SLC25A12: variants seen among roughly 807,000 people sequenced by gnomAD.
SLC25A12 encodes the protein solute carrier family 25 member 12, also known as electrogenic aspartate/glutamate antiporter SLC25A12, mitochondrial.
Under a neutral mutation model 83.3 loss-of-function variants are expected in SLC25A12, and 32 were observed. The ratio of observed to expected loss-of-function variants is 0.38; its 90% CI spans 0.29 to 0.52. The LOEUF (loss-of-function observed/expected upper bound fraction) is 0.52, where lower values mean the gene tolerates loss of function less well. Ranked by LOEUF, SLC25A12 falls within the 20% of genes least tolerant of loss-of-function variation. SLC25A12 has a pLI of 0.84. For missense variants in SLC25A12, 611 were observed against 835.6 expected (o/e 0.73, Z 3.31); for synonymous variants, 267 against 291.1 (o/e 0.92, Z 0.84).
chr2:171,815,173 C>G lies in SLC25A12; in HGVS notation c.960G>C (p.Trp320Cys). 6.2e-7 allele frequency: 1 copy of G among 1,613,682 alleles called. No homozygotes were observed. The highest frequency in any genetic ancestry group is 8.5e-7 in the Non-Finnish European group (1 of 1,179,794). Reference sequence around the variant, plus strand: ...TGTAAGCAGACTCGGCAATCTGGAGCCAGATAGGCCTGCCTAACCCAGGAG... The same window carrying G: ...TGTAAGCAGACTCGGCAATCTGGAGGCAGATAGGCCTGCCTAACCCAGGAG... Reference protein sequence around the residue: ...QQSPGLGRPIWLQIAESAYRF... With the variant: ...QQSPGLGRPICLQIAESAYRF... Residue 320 changes from tryptophan to cysteine, a missense_variant, in exon 10 of 18, where the codon TGG becomes TGC. Transcript: ENST00000422440.
At chr2:171,885,980 C>A (rs1353879278) in intron 2 of SLC25A12, among the ~76,000 whole-genome samples, 1 of 152,046 alleles carries the variant, frequency 6.6e-6, no homozygotes, top group Non-Finnish European at 1.5e-5. Context: ...AGTATTTATC[C>A]TTTCATAACT....
At chr2:171,853,670 G>A (rs56275355) in intron 4 of SLC25A12, among the ~76,000 whole-genome samples, 31,389 of 151,850 alleles carry the variant, frequency 0.21, 4,022 homozygotes, top group East Asian at 0.57. Flanking sequence ...GACAGAGTGA[G>A]GCTCCACCTC....
intron 9 of SLC25A12, among the ~76,000 whole-genome samples, chr2:171,826,009 A>G (rs1329161249): frequency 7.2e-5 from 11 of 152,230 alleles, no homozygotes. Flanking sequence ...AATGTAATTA[A>G]CAGTCAGGGT....
chr2:171,788,113 G>C, intron 15 of SLC25A12, 166 bp from the exon 16 acceptor site: 1 of 663,484 alleles, frequency 1.5e-6, no homozygotes, highest in Non-Finnish European at 2.6e-6. Flanking sequence ...AAGCCTATTA[G>C]CTGTTGCAGT....
intron 2 of SLC25A12, among the ~76,000 whole-genome samples, chr2:171,889,381 C>T (rs1433856040): frequency 3.9e-5 from 6 of 152,156 alleles, no homozygotes; most frequent in African/African-American, 9.7e-5. Flanking sequence ...TCCCTTACAT[C>T]GCTGGTATTG....
At chr2:171,812,049 C>T (rs544412985) in intron 11 of SLC25A12, among the ~76,000 whole-genome samples, 26 of 152,262 alleles carry the variant, frequency 1.7e-4, no homozygotes, top group South Asian at 1.0e-3. Context: ...GGATATTGTA[C>T]GCCTTTCCAC....
intron 4 of SLC25A12, among the ~76,000 whole-genome samples, chr2:171,845,097 C>T (rs1439423439): frequency 8.6e-5 from 13 of 152,016 alleles, no homozygotes; most frequent in Admixed American, 8.5e-4. Flanking sequence ...GCTTCAAAAT[C>T]CCCATAAAAT....
At chr2:171,881,323 T>C (rs919904914) in intron 2 of SLC25A12, among the ~76,000 whole-genome samples, 1 of 152,116 alleles carries the variant, frequency 6.6e-6, no homozygotes, top group Non-Finnish European at 1.5e-5. Flanking sequence ...TGGCTAATTT[T>C]TGTATTTTAG....
intron 10 of SLC25A12, among the ~76,000 whole-genome samples, chr2:171,814,233 TC>T (rs1421800818): frequency 2.0e-5 from 3 of 152,170 alleles, no homozygotes; most frequent in Admixed American, 2.0e-4. Flanking sequence ...CCTGCTAGCT[TC>T]TTCTCAACAA....
intron 8 of SLC25A12, among the ~76,000 whole-genome samples, chr2:171,831,538 C>T (rs1684431237): frequency 6.6e-6 from 1 of 152,042 alleles, no homozygotes; most frequent in Non-Finnish European, 1.5e-5. Context: ...ACTTAGGAAA[C>T]AGGGAAATAC....
chr2:171,868,358 GGCTGAAGTGCA>G (rs1685387201), intron 3 of SLC25A12, among the ~76,000 whole-genome samples: 1 of 136,766 alleles, frequency 7.3e-6, no homozygotes, highest in African/African-American at 2.7e-5. Flanking sequence ...TGGTTGCCCA[GGCTGAAGTGCA>G]GCAGCTCGAT....
chr2:171,787,434 A>G, intron 17 of SLC25A12, 137 bp downstream of exon 17: 1 of 790,654 alleles, frequency 1.3e-6, no homozygotes, highest in South Asian at 1.4e-5. Context: ...TCTTAAGCTC[A>G]CTGTTTTAAA....
intron 5 of SLC25A12, 91 bp from the exon 6 acceptor site, chr2:171,837,358 A>T: frequency 2.3e-6 from 3 of 1,312,828 alleles, no homozygotes; most frequent in Non-Finnish European, 3.3e-6. Context: ...TATCCTTCCC[A>T]CACATGTACT....
intron 9 of SLC25A12, among the ~76,000 whole-genome samples, chr2:171,815,560 A>G (rs1254140416): frequency 6.6e-6 from 1 of 152,218 alleles, no homozygotes; most frequent in African/African-American, 2.4e-5. Context: ...CAAGCATTTC[A>G]GTTATAAAAT....
intron 17 of SLC25A12, among the ~76,000 whole-genome samples, chr2:171,786,247 G>A (rs535120545): frequency 4.2e-4 from 64 of 151,626 alleles, no homozygotes; most frequent in African/African-American, 1.3e-3. Context: ...AGCCAGGCGC[G>A]GTGGTGGGCG....
chr2:171,851,352 G>A (rs748995756), intron 4 of SLC25A12, among the ~76,000 whole-genome samples: 12 of 151,548 alleles, frequency 7.9e-5, no homozygotes, highest in Admixed American at 2.0e-4. Context: ...CACCACGCCC[G>A]GCTAATTTTT....
intron 13 of SLC25A12, among the ~76,000 whole-genome samples, chr2:171,799,363 G>A (rs1326178090): frequency 6.6e-6 from 1 of 152,128 alleles, no homozygotes; most frequent in African/African-American, 2.4e-5. Flanking sequence ...TAAGTATGTA[G>A]GCATAAAGTT....
chr2:171,818,181 T>A lies in SLC25A12; in HGVS notation c.931-2979A>T, dbSNP rs898445833. Among the ~76,000 whole-genome samples the A allele has an allele frequency of 5.9e-5, 9 of 152,312 alleles. No homozygotes were observed. In the South Asian group the frequency reaches 1.9e-3, roughly 32 times the overall value. On this transcript the variant is annotated intron_variant, in intron 9 of 17. Transcript: ENST00000422440. ...ATGCTACCGCTGTCATCCCTATTAA[T>A]GACTGTGTCCTGAATTTTTAGCATT...
intron 17 of SLC25A12, among the ~76,000 whole-genome samples, chr2:171,787,072 G>A (rs1690502115): frequency 6.6e-6 from 1 of 152,224 alleles, no homozygotes; most frequent in Non-Finnish European, 1.5e-5. Flanking sequence ...AGGCACGGTA[G>A]CTCATGTCTG....
Sources: allele counts gnomAD v4.1 joint callset (sites outside exome capture counted in the v4.1 genomes callset), GRCh38; gene constraint gnomAD v4.1.1; transcripts MANE v1.5; gene names NCBI Gene and HGNC (gene_info 2026-07-23, HGNC 2026-07-21).